The following ETS1 variants were observed in gnomAD, a reference collection of about 807,000 sequenced individuals.
The protein encoded by ETS1 is ETS proto-oncogene 1, transcription factor.
In ETS1, 15 loss-of-function variants were observed where a neutral mutation model predicts 58.6. The observed-to-expected ratio is 0.26, with a 90% CI of 0.17 to 0.39. The LOEUF (loss-of-function observed/expected upper bound fraction) is 0.39. Ranked by LOEUF, ETS1 falls within the 10% of genes least tolerant of loss-of-function variation. The probability of loss-of-function intolerance (pLI) is 1.00; values close to 1 mark genes in which losing one functional copy is unlikely to be tolerated. For missense variants in ETS1, 417 were observed against 610.5 expected (o/e 0.68, Z 3.34); for synonymous variants, 214 against 218.2 (o/e 0.98, Z 0.17).
At chr11:128,545,335 C>T (rs1030882418) in intron 3 of ETS1, among the ~76,000 whole-genome samples, 9 of 152,182 alleles carry the variant, frequency 5.9e-5, no homozygotes, top group African/African-American at 2.2e-4. Flanking sequence ...GCAATTGTCA[C>T]AGCAATGAAG....
At position 128,571,501 on chromosome 11, in the gene ETS1, CAAAAAAAAAAAAAAAAAAAAAAAAAA is replaced by C. The variant is rs563312769; in HGVS notation, c.69+1535_69+1560del. Among the ~76,000 whole-genome samples the C allele has an allele frequency of 3.0e-4, 10 of 32,880 alleles. No individual in the cohort carries two copies. In the South Asian group the frequency reaches 8.0e-3, roughly 26 times the overall value. The allele number at this position is 32,880 out of a possible 152,430, so 21.6% of individuals were successfully genotyped here. A position where few individuals can be genotyped will look rare whatever the true frequency, so the allele number is the denominator to read the frequency against. On this transcript the variant is annotated intron_variant, in intron 2 of 9. Transcript: ENST00000392668. ...CCTGGGCGACAGAGCAAGACTCCGT[CAAAAAAAAAAAAAAAAAAAAAAAAAA>C]AAAAAAAAAAAAAAAACTTCAAACA...
chr11:128,587,514 G>C lies in ETS1; in HGVS notation c.-41C>G, dbSNP rs1272808514. On this transcript the variant is annotated 5_prime_UTR_variant, in exon 1 of 10. In the 5' UTR this introduces an upstream ATG that the reference lacks. Coordinates refer to ENST00000392668, the MANE Select transcript of ETS1 (RefSeq NM_001143820.2). Reference sequence around the variant, plus strand: ...TCACTTACTACTTTGCCGGAGAGCAGATCCTGAGTGAGCTTCCCTCAAAGT... The same window carrying C: ...TCACTTACTACTTTGCCGGAGAGCACATCCTGAGTGAGCTTCCCTCAAAGT... The C allele has an allele frequency of 6.6e-6, 1 of 152,372 alleles. No homozygotes were observed. The highest frequency in any genetic ancestry group is 1.5e-5 in the Non-Finnish European group (1 of 68,046). 9.4% of individuals were successfully genotyped at this position (152,372 alleles called of 1,614,324 possible). A position where few individuals can be genotyped will look rare whatever the true frequency, so the allele number is the denominator to read the frequency against.
intron 3 of ETS1, among the ~76,000 whole-genome samples, chr11:128,550,259 G>A (rs1052480052): frequency 7.9e-5 from 12 of 152,180 alleles, no homozygotes; most frequent in Non-Finnish European, 1.6e-4. Flanking sequence ...TACTCAAAAT[G>A]TATACCAAAA....
At chr11:128,516,883 G>A (rs1482613983) in intron 3 of ETS1, among the ~76,000 whole-genome samples, 1 of 152,136 alleles carries the variant, frequency 6.6e-6, no homozygotes, top group Non-Finnish European at 1.5e-5. Flanking sequence ...CTGATTATGA[G>A]AGATTCAATG....
At chr11:128,562,333 C>T (rs762806748) in intron 2 of ETS1, among the ~76,000 whole-genome samples, 1 of 152,108 alleles carries the variant, frequency 6.6e-6, no homozygotes, top group African/African-American at 2.4e-5. Flanking sequence ...CATTTGAACC[C>T]GGGAGACAGA....
intron 5 of ETS1, among the ~76,000 whole-genome samples, chr11:128,487,549 G>A (rs963787036): frequency 6.6e-6 from 1 of 152,082 alleles, no homozygotes; most frequent in Non-Finnish European, 1.5e-5. Context: ...GACCATCCTG[G>A]CCAACACGGT....
rs544252472 is a variant in ETS1 at position 128,530,705 on chromosome 11, G to A, written c.214+25586C>T. 1.2e-4 allele frequency among the ~76,000 whole-genome samples: 18 copies of A among 152,268 alleles called. No individual in the cohort carries two copies. The South Asian group carries it at 3.5e-3, about 30-fold the overall frequency. On this transcript the variant is annotated intron_variant, in intron 3 of 9. Coordinates refer to ENST00000392668, the MANE Select transcript of ETS1 (RefSeq NM_001143820.2). ...GTGGGAAGCTGGCAATGGACTGTGA[G>A]AGGAAAAAACAAAGGGCAGTCAGCG...
chr11:128,558,649 CAAAAAAAAAAAAA>C (rs201114905), intron 2 of ETS1, among the ~76,000 whole-genome samples: 15 of 103,410 alleles, frequency 1.5e-4, no homozygotes, highest in Middle Eastern at 6.7e-3. Context: ...ATATCCATCC[CAAAAAAAAAAAAA>C]AAAAAAAAAA....
intron 3 of ETS1, among the ~76,000 whole-genome samples, chr11:128,503,704 T>G (rs1863150169): frequency 6.6e-6 from 1 of 152,108 alleles, no homozygotes. Flanking sequence ...AGACTAATTA[T>G]TCCCTTCTCT....
intron 3 of ETS1, chr11:128,522,168 G>C (rs1189156166): frequency 3.9e-6 from 5 of 1,296,104 alleles, no homozygotes; most frequent in African/African-American, 1.6e-5. Flanking sequence ...GTGCGCGCCC[G>C]GCACTCCAGG....
At chr11:128,543,225 AT>A (rs990377040) in intron 3 of ETS1, among the ~76,000 whole-genome samples, 16 of 152,014 alleles carry the variant, frequency 1.1e-4, no homozygotes, top group Admixed American at 4.6e-4. Flanking sequence ...TTAAAGAGGT[AT>A]TTTTTTATAA....
chr11:128,486,086 G>A lies in ETS1; in HGVS notation c.596C>T (p.Thr199Ile), dbSNP rs1862623571. Reference protein sequence around the residue: ...VNPAYPESRYTSDYFISYGIE... With the variant: ...VNPAYPESRYISDYFISYGIE... Reference sequence around the variant, plus strand: ...GAACTTACTAATGAAGTAATCCGAGGTATAGCGGGATTCTGGATAGGCTGG... The same window carrying A: ...GAACTTACTAATGAAGTAATCCGAGATATAGCGGGATTCTGGATAGGCTGG... The change falls in exon 6 of 10, where the codon ACC (threonine) becomes ATC (isoleucine). Residue 199 changes from threonine (T) to isoleucine (I), a missense_variant. Physicochemically the swap from Thr to Ile is moderately conservative, Grantham distance 89. This residue lies in a region of ETS1 where 132 missense variants were observed against 212.1 expected (regional missense o/e 0.62). Transcript: ENST00000392668. 6.2e-7 allele frequency: 1 copy of A among 1,608,766 alleles called. No individual in the cohort carries two copies. The highest frequency in any genetic ancestry group is 1.3e-5 in the African/African-American group (1 of 74,908).
chr11:128,519,617 C>T (rs1455376791), intron 3 of ETS1, among the ~76,000 whole-genome samples: 3 of 152,194 alleles, frequency 2.0e-5, no homozygotes, highest in Non-Finnish European at 2.9e-5. Flanking sequence ...CCAGAAACAC[C>T]GTTTCTCCCA....
In ETS1 at chr11:128,459,140, TAA is replaced by T. The variant is rs532384156; in HGVS notation, c.*3219_*3220del. ...TCTCAGCTTAAAAAAAAAGTATTCT[TAA>T]AAAAAAAAGTTCAATAACTGAGGCA... On this transcript the variant is annotated 3_prime_UTR_variant, in exon 10 of 10. Coordinates refer to ENST00000392668, the MANE Select transcript of ETS1 (RefSeq NM_001143820.2). The T allele has an allele frequency of 6.8e-6, 1 of 148,076 alleles. No individual in the cohort carries two copies. 9.2% of individuals were successfully genotyped at this position (148,076 alleles called of 1,614,324 possible). A position where few individuals can be genotyped will look rare whatever the true frequency, so the allele number is the denominator to read the frequency against.
rs187117661 is a variant in ETS1, at chr11:128,573,377, T to C, written c.-14-233A>G. Among the ~76,000 whole-genome samples, 1,316 of 152,204 alleles carry C rather than the reference T, an allele frequency of 8.6e-3. 8 individuals carry two copies. Among genetic ancestry groups the C allele is most frequent in the Non-Finnish European group, 0.011 (760 of 68,012 alleles). The stretch of plus-strand genomic sequence containing the variant: ...TTCCCTGGTTGCAAGGTAACATGGA[T>C]AACAGACCATGTCTACACACTGCAG... On this transcript the variant is annotated intron_variant, in intron 1 of 9. Transcript: ENST00000392668.
intron 3 of ETS1, among the ~76,000 whole-genome samples, chr11:128,522,615 C>T (rs993870803): frequency 2.0e-5 from 3 of 152,182 alleles, no homozygotes; most frequent in Non-Finnish European, 4.4e-5. Context: ...CGGGAAGGGC[C>T]GGGAGCGGGT....
chr11:128,510,169 G>T (rs1052268483), intron 3 of ETS1, among the ~76,000 whole-genome samples: 7 of 152,184 alleles, frequency 4.6e-5, no homozygotes, highest in Admixed American at 4.6e-4. Context: ...GAGCTCATAT[G>T]TATTTAGCAT....
intron 5 of ETS1, 81 bp from the exon 6 acceptor site, chr11:128,486,227 C>T (rs1862628922): frequency 1.2e-6 from 1 of 835,594 alleles, no homozygotes; most frequent in Admixed American, 1.9e-5. Flanking sequence ...GATGCAAAGA[C>T]CACAATGATC....
chr11:128,538,400 G>A (rs550327343), intron 3 of ETS1, among the ~76,000 whole-genome samples: 1 of 152,236 alleles, frequency 6.6e-6, no homozygotes, highest in South Asian at 2.1e-4. Context: ...TTCACAAATT[G>A]CGCACATAGT....
Sources: gnomAD v4.1 joint callset for allele counts (sites outside exome capture counted in the v4.1 genomes callset) on GRCh38, gnomAD v4.1.1 for gene constraint, gnomAD v4.1.1 regional missense constraint, MANE v1.5 for transcripts, NCBI Gene and HGNC (gene_info 2026-07-23, HGNC 2026-07-21) for gene names.